Variants in MYRIP observed in about 807,000 individuals in gnomAD.
The protein encoded by MYRIP is rab effector MyRIP.
MYRIP carries 49 observed loss-of-function variants against 98.0 expected under a neutral mutation model. The ratio of observed to expected loss-of-function variants is 0.50; its 90% confidence interval spans 0.40 to 0.63. MYRIP has a LOEUF of 0.63. Ranked by LOEUF, MYRIP falls within the 30% of genes least tolerant of loss-of-function variation. The probability of loss-of-function intolerance (pLI) is 0.00; values close to 1 mark genes in which losing one functional copy is unlikely to be tolerated. For missense variants in MYRIP, 1,004 were observed against 1,058.2 expected (o/e 0.95, Z 0.71); for synonymous variants, 404 against 409.5 (o/e 0.99, Z 0.16).
intron 1 of MYRIP, among the ~76,000 whole-genome samples, chr3:39,839,911 T>TA (rs202227015): frequency 0.013 from 1,935 of 152,266 alleles, 45 homozygotes; most frequent in African/African-American, 0.043. Context: ...AATTTTAGAA[T>TA]AAGTGCTATG....
chr3:39,976,450 C>CAG, intron 2 of MYRIP, among the ~76,000 whole-genome samples: 1 of 152,188 alleles, frequency 6.6e-6, no homozygotes, highest in Non-Finnish European at 1.5e-5. Flanking sequence ...GTTGGTGGGA[C>CAG]TCTAACCTAG....
chr3:39,900,417 G>T (rs1943714822), intron 1 of MYRIP, among the ~76,000 whole-genome samples: 1 of 151,448 alleles, frequency 6.6e-6, no homozygotes, highest in South Asian at 2.1e-4. Context: ...TTATTTTGCA[G>T]TTACATATAA....
chr3:39,894,995 C>A (rs1452239844), intron 1 of MYRIP, among the ~76,000 whole-genome samples: 3 of 152,116 alleles, frequency 2.0e-5, no homozygotes, highest in African/African-American at 4.8e-5. Flanking sequence ...GTGTAATTAG[C>A]AGCATTTGGT....
chr3:40,018,530 T>C (rs548216084), intron 2 of MYRIP, among the ~76,000 whole-genome samples: 43 of 152,278 alleles, frequency 2.8e-4, no homozygotes, highest in African/African-American at 1.0e-3. Flanking sequence ...ACATGAGTGG[T>C]CTTTTGGTCC....
intron 2 of MYRIP, among the ~76,000 whole-genome samples, chr3:39,912,826 G>A (rs1324044763): frequency 6.6e-6 from 1 of 152,200 alleles, no homozygotes; most frequent in East Asian, 1.9e-4. Flanking sequence ...GATCACCTGA[G>A]GTCAAGAGTT....
intron 10 of MYRIP, among the ~76,000 whole-genome samples, chr3:40,197,515 A>G (rs1044717407): frequency 2.6e-5 from 4 of 152,228 alleles, no homozygotes; most frequent in Non-Finnish European, 5.9e-5. Flanking sequence ...CTGCTGTTGC[A>G]GAATTAATGC....
chr3:39,923,177 A>AGT (rs1431106396), intron 2 of MYRIP, among the ~76,000 whole-genome samples: 2 of 152,284 alleles, frequency 1.3e-5, no homozygotes, highest in East Asian at 3.9e-4. Context: ...GTGGACTGAA[A>AGT]GTGAATAGAG....
intron 3 of MYRIP, among the ~76,000 whole-genome samples, chr3:40,060,596 TGAGA>T (rs35495297): frequency 2.7e-4 from 37 of 138,886 alleles, no homozygotes; most frequent in Non-Finnish European, 3.7e-4. Flanking sequence ...TTTCTTTTTT[TGAGA>T]GAGAGAGAGA....
intron 11 of MYRIP, among the ~76,000 whole-genome samples, chr3:40,214,461 T>A (rs1459220661): frequency 1.3e-5 from 2 of 152,240 alleles, no homozygotes; most frequent in Non-Finnish European, 2.9e-5. Flanking sequence ...ACATACTTTT[T>A]CCTGATGTGA....
chr3:39,830,934 A>G (rs1941426946), intron 1 of MYRIP, among the ~76,000 whole-genome samples: 2 of 152,174 alleles, frequency 1.3e-5, no homozygotes, highest in Non-Finnish European at 2.9e-5. Flanking sequence ...GCCCAGTTTC[A>G]TCAACTTCAC....
intron 3 of MYRIP, among the ~76,000 whole-genome samples, chr3:40,046,911 A>G (rs1420005086): frequency 6.6e-6 from 1 of 152,162 alleles, no homozygotes; most frequent in Non-Finnish European, 1.5e-5. Flanking sequence ...AAAGTCACCA[A>G]ATTTACTAAA....
chr3:40,028,913 G>A (rs148669426), intron 2 of MYRIP, among the ~76,000 whole-genome samples: 1 of 152,150 alleles, frequency 6.6e-6, no homozygotes, highest in East Asian at 1.9e-4. Context: ...CACCTCATTT[G>A]CTTGGAATAA....
At chr3:40,159,071 T>C (rs1018916606) in intron 4 of MYRIP, among the ~76,000 whole-genome samples, 6 of 152,196 alleles carry the variant, frequency 3.9e-5, no homozygotes, top group African/African-American at 1.4e-4. Context: ...CGTTAGTTGA[T>C]GCAGTTTCTT....
intron 2 of MYRIP, among the ~76,000 whole-genome samples, chr3:39,933,820 T>C (rs901581500): frequency 7.2e-5 from 11 of 152,314 alleles, no homozygotes; most frequent in African/African-American, 2.6e-4. Context: ...CTTTTATATC[T>C]TTTATATTTT....
chr3:40,017,675 T>G (rs373392404), intron 2 of MYRIP, among the ~76,000 whole-genome samples: 268 of 145,206 alleles, frequency 1.8e-3, no homozygotes, highest in African/African-American at 6.5e-3. Flanking sequence ...CTAAAATAAA[T>G]AAAGAAATAA....
At chr3:40,093,977 C>T (rs1575532422) in intron 3 of MYRIP, among the ~76,000 whole-genome samples, 1 of 152,136 alleles carries the variant, frequency 6.6e-6, no homozygotes, top group African/African-American at 2.4e-5. Flanking sequence ...TCTGTCTTTC[C>T]TACTTTCCTG....
At chr3:39,994,607 TG>T (rs1033969992) in intron 2 of MYRIP, among the ~76,000 whole-genome samples, 1 of 152,204 alleles carries the variant, frequency 6.6e-6, no homozygotes, top group African/African-American at 2.4e-5. Context: ...ACTCCACCTC[TG>T]GGGGCAGGGC....
intron 11 of MYRIP, among the ~76,000 whole-genome samples, chr3:40,218,594 C>CAT (rs1952200699): frequency 2.3e-4 from 1 of 4,378 alleles, no homozygotes; most frequent in East Asian, 0.071. Flanking sequence ...CACACACACA[C>CAT]ACACATATAT....
At chr3:40,135,070 A>T (rs1450637750) in intron 3 of MYRIP, among the ~76,000 whole-genome samples, 1 of 152,214 alleles carries the variant, frequency 6.6e-6, no homozygotes, top group African/African-American at 2.4e-5. Context: ...AGGCTTCAGA[A>T]GATCAAACTA....
Sources: allele counts gnomAD v4.1 joint callset (sites outside exome capture counted in the v4.1 genomes callset), GRCh38; gene constraint gnomAD v4.1.1; transcripts MANE v1.5; gene names NCBI Gene and HGNC (gene_info 2026-07-23, HGNC 2026-07-21).